Variants in MCF2L observed in about 807,000 individuals in gnomAD.
The protein encoded by MCF2L is MCF.2 cell line derived transforming sequence like.
MCF2L carries 97 observed loss-of-function variants against 153.4 expected under a neutral mutation model. The observed-to-expected ratio is 0.63, with a 90% CI of 0.54 to 0.75. The LOEUF is 0.75. Among genes scored for constraint, MCF2L ranks in the 30% least tolerant of loss-of-function variants. The pLI is 0.00. For missense variants in MCF2L, 1,347 were observed against 1,495.2 expected (o/e 0.90, Z 1.64); for synonymous variants, 659 against 632.2 (o/e 1.04, Z -0.64).
chr13:113,064,477 A>G lies in MCF2L; in HGVS notation c.606+57A>G. 1 of 1,104,078 alleles carries G rather than the reference A, an allele frequency of 9.1e-7. No individual in the cohort carries two copies. Among genetic ancestry groups the G allele is most frequent in the Non-Finnish European group, 1.4e-6 (1 of 726,248 alleles). 68.4% of individuals were successfully genotyped at this position (1,104,078 alleles called of 1,614,324 possible). ...GATACCAGCTCGAGTACTTCCACAG[A>G]ATCGCTCTTGCATTACAACACGGCC... On this transcript the variant is annotated intron_variant, in intron 6 of 29. Coordinates refer to ENST00000535094, the MANE Select transcript of MCF2L (RefSeq NM_001112732.3). This position sits in a 1 kb window ranked among gnomAD's most constrained non-coding sequence, Gnocchi z 6.0.
chr13:113,090,982 G>A, intron 26 of MCF2L: 1 of 1,230,282 alleles, frequency 8.1e-7, no homozygotes, highest in South Asian at 1.4e-5. Flanking sequence ...GCTCACAGAA[G>A]CTCCTTTTTC....
At chr13:112,928,081 G>T (rs1028540701) in intron 2 of MCF2L, among the ~76,000 whole-genome samples, 5 of 152,214 alleles carry the variant, frequency 3.3e-5, no homozygotes, top group Admixed American at 2.6e-4. Context: ...ATTGTATTGT[G>T]TTTATGTGTA....
intron 4 of MCF2L, among the ~76,000 whole-genome samples, chr13:113,058,772 T>A (rs2030801946): frequency 7.2e-6 from 1 of 138,078 alleles, no homozygotes; most frequent in Non-Finnish European, 1.6e-5. Context: ...GGCTGAGTAT[T>A]TGGGGGCTGA....
chr13:112,926,785 G>A (rs916261464), intron 2 of MCF2L, among the ~76,000 whole-genome samples: 3 of 152,138 alleles, frequency 2.0e-5, no homozygotes, highest in Non-Finnish European at 4.4e-5. Context: ...GCAGAGTGGC[G>A]GTCGCCTGGG....
At position 113,089,601 on chromosome 13, in the gene MCF2L, T is replaced by A; in HGVS notation, c.2835-9T>A. The A allele has an allele frequency of 1.3e-6, 2 of 1,572,536 alleles. No homozygotes were observed. Among genetic ancestry groups the A allele is most frequent in the Non-Finnish European group, 1.8e-6 (2 of 1,142,652 alleles). On this transcript the variant is annotated splice_polypyrimidine_tract_variant and intron_variant, in intron 25 of 29. Transcript: ENST00000535094. The stretch of plus-strand genomic sequence containing the variant: ...ACTATTTCCTTTTTGATTTGTCTGA[T>A]GTCATCAGTCCCTCAAGAGGAAACT...
chr13:113,094,480 C>T (rs771873282), intron 26 of MCF2L, 34 bp from the exon 27 acceptor site: 25 of 1,590,120 alleles, frequency 1.6e-5, no homozygotes, highest in East Asian at 6.7e-5. Flanking sequence ...GGCTCATCAC[C>T]GGGGGGTCCC....
At chr13:113,013,673 T>C (rs1464970869) in intron 1 of MCF2L, among the ~76,000 whole-genome samples, 1 of 152,232 alleles carries the variant, frequency 6.6e-6, no homozygotes, top group Non-Finnish European at 1.5e-5. Flanking sequence ...AAATTGAGCG[T>C]TTAAGCCATT....
chr13:112,966,012 G>A (rs924667804), upstream of MCF2L: 20 of 152,194 alleles, frequency 1.3e-4, no homozygotes, highest in African/African-American at 4.8e-4. This position sits in a 1 kb window ranked among gnomAD's most constrained non-coding sequence, Gnocchi z 4.1. Context: ...GTGTGGCCTG[G>A]GGCAAGTCGC....
intron 4 of MCF2L, among the ~76,000 whole-genome samples, chr13:113,059,613 G>A (rs995866148): frequency 6.6e-6 from 1 of 152,184 alleles, no homozygotes; most frequent in Non-Finnish European, 1.5e-5. Flanking sequence ...CTGTCATCGC[G>A]GCTTTTGAGC....
At position 112,894,950 on chromosome 13, in the gene MCF2L, T is replaced by G. The variant is rs543580396; in HGVS notation, c.-5+519T>G. The stretch of plus-strand genomic sequence containing the variant: ...CACACCTGGTGGCTGGGGACAGTGC[T>G]GGAGGGGAGGGTAGCCTGGGGTCGG... On this transcript the variant is annotated intron_variant, in intron 1 of 29. Coordinates refer to the MCF2L transcript ENST00000375608. Among the ~76,000 whole-genome samples the G allele has an allele frequency of 1.2e-4, 12 of 102,206 alleles. No individual in the cohort carries two copies. The South Asian group carries it at 5.9e-3, about 50-fold the overall frequency. The allele number at this position is 102,206 out of a possible 152,430, so 67.1% of individuals were successfully genotyped here.
intron 2 of MCF2L, among the ~76,000 whole-genome samples, chr13:112,905,791 G>A (rs981517828): frequency 1.6e-4 from 25 of 152,154 alleles, no homozygotes; most frequent in Non-Finnish European, 2.6e-4. Flanking sequence ...ATTCATCCAC[G>A]GACGTTTGGG....
intron 5 of MCF2L, among the ~76,000 whole-genome samples, chr13:113,063,551 G>T (rs1007735994): frequency 6.6e-6 from 1 of 151,760 alleles, no homozygotes; most frequent in Admixed American, 6.5e-5. Context: ...GGTGTCCAGG[G>T]TTTGGATAAA....
chr13:112,992,700 G>GGAAA (rs1349963659), intron 1 of MCF2L, among the ~76,000 whole-genome samples: 1 of 152,220 alleles, frequency 6.6e-6, no homozygotes, highest in Non-Finnish European at 1.5e-5. Context: ...TTCTAGCTGG[G>GGAAA]GAAAGGTGGA....
intron 2 of MCF2L, among the ~76,000 whole-genome samples, chr13:112,926,306 G>A (rs12430654): frequency 0.01 from 880 of 85,646 alleles, 9 homozygotes; most frequent in African/African-American, 0.042. Context: ...CCTGGTCTAC[G>A]TACACAGCGG....
intron 1 of MCF2L, among the ~76,000 whole-genome samples, chr13:112,980,633 C>CTTCCCCTTTCCCCCGCT (rs1265408396): frequency 6.6e-6 from 1 of 152,056 alleles, no homozygotes; most frequent in Non-Finnish European, 1.5e-5. Context: ...AGGCTGCCGC[C>CTTCCCCTTTCCCCCGCT]TTCCCCTTTC....
rs2081150049 is a variant in MCF2L, at chr13:112,904,312, C to A, written c.169+1941C>A. 6.6e-6 allele frequency among the ~76,000 whole-genome samples: 1 copy of A among 152,106 alleles called. No homozygotes were observed. The highest frequency in any genetic ancestry group is 1.9e-4 in the East Asian group (1 of 5,180). ...TACCGAGCTCTCCCAGGCTCAGGAGCATGTCAGGGTCCACCGTGCACCAGC... is the reference window on the plus strand; with the variant it reads ...TACCGAGCTCTCCCAGGCTCAGGAGAATGTCAGGGTCCACCGTGCACCAGC... On this transcript the variant is annotated intron_variant, in intron 2 of 29. Transcript: ENST00000375608. This position sits in a 1 kb window ranked among gnomAD's most constrained non-coding sequence, Gnocchi z 4.2.
At chr13:112,920,177 G>GTT (rs1174509392) in intron 2 of MCF2L, among the ~76,000 whole-genome samples, 1 of 152,232 alleles carries the variant, frequency 6.6e-6, no homozygotes. Flanking sequence ...TTACCTGGCT[G>GTT]AACTGCAGAG....
Position 113,082,494 on chromosome 13 carries a change from AG to A in MCF2L, c.1945del (p.Asp649MetfsTer80). On this transcript the variant is annotated frameshift_variant, in exon 17 of 30. Coordinates refer to ENST00000535094, the MANE Select transcript of MCF2L (RefSeq NM_001112732.3). LOFTEE classifies it high-confidence loss of function. ...CTGTCAACAGGCCTTCACAACAAGA[AG>A]GATGTTTTGTTTGGAAACATGGAGG... is the stretch of plus-strand genomic sequence containing the variant. The part of the protein sequence containing the change: ...HLLSTGLHNK[K>X]DVLFGNMEEI... 6.2e-7 allele frequency: 1 copy of A among 1,614,040 alleles called. No individual in the cohort carries two copies. Among genetic ancestry groups the A allele is most frequent in the Non-Finnish European group, 8.5e-7 (1 of 1,179,910 alleles).
At position 113,014,997 on chromosome 13, in the gene MCF2L, G is replaced by C. The variant is rs2084416760; in HGVS notation, c.163+151G>C. On this transcript the variant is annotated intron_variant, in intron 2 of 29. Coordinates refer to ENST00000535094, the MANE Select transcript of MCF2L (RefSeq NM_001112732.3). The stretch of plus-strand genomic sequence containing the variant: ...TGCCTTGGGTCTGACCTGTGACCTG[G>C]CTCTCCCCATCTCTGTGAAGTGGGC... 6.1e-6 allele frequency: 4 copies of C among 660,442 alleles called. No individual in the cohort carries two copies. The East Asian group carries it at 1.1e-4, about 18-fold the overall frequency. The allele number at this position is 660,442 out of a possible 1,614,324, so 40.9% of individuals were successfully genotyped here. A position where few individuals can be genotyped will look rare whatever the true frequency, so the allele number is the denominator to read the frequency against.
Sources: gnomAD v4.1 joint callset for allele counts (sites outside exome capture counted in the v4.1 genomes callset) on GRCh38, gnomAD v4.1.1 for gene constraint, Gnocchi (gnomAD v3.1) non-coding constraint, MANE v1.5 for transcripts, NCBI Gene and HGNC (gene_info 2026-07-23, HGNC 2026-07-21) for gene names.